The following PCDH15 variants were observed in gnomAD, a reference collection of about 807,000 sequenced individuals.
PCDH15 encodes the protein protocadherin related 15.
In PCDH15, 129 loss-of-function variants were observed where a neutral mutation model predicts 178.5. The observed-to-expected ratio is 0.72, with a 90% CI of 0.63 to 0.84. The LOEUF is 0.84. Among genes scored for constraint, PCDH15 ranks in the 40% least tolerant of loss-of-function variants. PCDH15 has a pLI of 0.00. For missense variants in PCDH15, 2,230 were observed against 2,099.9 expected, an observed-to-expected ratio of 1.06 and a Z score of -1.21; for synonymous variants, 800 against 732.0, an observed-to-expected ratio of 1.09 and a Z score of -1.50.
chr10:53,905,046 C>T (rs1223339096), intron 25 of PCDH15: 2 of 407,910 alleles, frequency 4.9e-6, no homozygotes, highest in African/African-American at 4.1e-5. Context: ...TCCCTTACCT[C>T]CCAACCCTAA....
intron 3 of PCDH15, among the ~76,000 whole-genome samples, chr10:54,453,657 T>TA (rs1427786387): frequency 6.7e-6 from 1 of 148,254 alleles, no homozygotes; most frequent in Non-Finnish European, 1.5e-5. Flanking sequence ...AGTATAATTT[T>TA]AAAAAAAAGA....
At chr10:55,226,432 A>ACTGCAACC (rs71461288) in intron 1 of PCDH15, among the ~76,000 whole-genome samples, 40 of 151,406 alleles carry the variant, frequency 2.6e-4, no homozygotes, top group East Asian at 1.8e-3. Context: ...ATGTCGGCTC[A>ACTGCAACC]CTGCAACCCT....
At chr10:54,552,195 C>G (rs2086692792) in intron 2 of PCDH15, among the ~76,000 whole-genome samples, 1 of 152,208 alleles carries the variant, frequency 6.6e-6, no homozygotes, top group African/African-American at 2.4e-5. Flanking sequence ...TTAAACTCCT[C>G]CCTTCATGAA....
At position 55,224,537 on chromosome 10, in the gene PCDH15, G is replaced by A. The variant is rs1164058542; in HGVS notation, c.-155-57886C>T. Among the ~76,000 whole-genome samples, 6 of 152,164 alleles carry A rather than the reference G, an allele frequency of 3.9e-5. No individual in the cohort carries two copies. In the South Asian group the frequency reaches 6.2e-4, roughly 16 times the overall value. On this transcript the variant is annotated intron_variant, in intron 1 of 5. Coordinates refer to the PCDH15 transcript ENST00000458638. Reference sequence around the variant, plus strand: ...GATCAGTCATTTCAAAGCTGAGGTCGCTCTAGACCAACTAACCTTAGCTGA... The same window carrying A: ...GATCAGTCATTTCAAAGCTGAGGTCACTCTAGACCAACTAACCTTAGCTGA...
At chr10:54,808,894 C>T (rs1952819581) in intron 3 of PCDH15, among the ~76,000 whole-genome samples, 1 of 151,160 alleles carries the variant, frequency 6.6e-6, no homozygotes. Flanking sequence ...AGCTCAAGTT[C>T]ATTTTTAGGC....
At chr10:55,442,299 C>A (rs980581844) in intron 2 of PCDH15, among the ~76,000 whole-genome samples, 4 of 149,442 alleles carry the variant, frequency 2.7e-5, no homozygotes, top group Admixed American at 1.3e-4. Context: ...GCATGCAAAC[C>A]TCAATATTAG....
At chr10:54,949,540 A>C (rs1019147899) in intron 2 of PCDH15, among the ~76,000 whole-genome samples, 1 of 151,976 alleles carries the variant, frequency 6.6e-6, no homozygotes, top group Non-Finnish European at 1.5e-5. Context: ...TTCTCATTAC[A>C]GCCAGCTTGA....
At chr10:54,772,878 A>G (rs1473951874) in intron 1 of PCDH15, among the ~76,000 whole-genome samples, 1 of 152,224 alleles carries the variant, frequency 6.6e-6, no homozygotes, top group African/African-American at 2.4e-5. Context: ...ATGACTATCA[A>G]TGATAGACTG....
At chr10:54,305,200 G>A (rs2133348137) in intron 8 of PCDH15, among the ~76,000 whole-genome samples, 1 of 152,070 alleles carries the variant, frequency 6.6e-6, no homozygotes, top group Middle Eastern at 3.4e-3. Context: ...AAATGCATTA[G>A]CATGTCCTTC....
At chr10:54,072,827 C>T (rs1345499802) in intron 17 of PCDH15, among the ~76,000 whole-genome samples, 1 of 152,158 alleles carries the variant, frequency 6.6e-6, no homozygotes, top group Non-Finnish European at 1.5e-5. Context: ...AGAAGCCATA[C>T]TACCAGCATA....
intron 1 of PCDH15, among the ~76,000 whole-genome samples, chr10:55,300,141 T>A (rs1463182580): frequency 2.6e-5 from 4 of 152,176 alleles, no homozygotes; most frequent in Non-Finnish European, 5.9e-5. Flanking sequence ...CTTCCACTTG[T>A]TATCCAGAGT....
At chr10:54,345,829 A>AG (rs1424515828) in intron 6 of PCDH15, among the ~76,000 whole-genome samples, 2,419 of 137,008 alleles carry the variant, frequency 0.018, 33 homozygotes, top group Admixed American at 0.028. Context: ...AAAAAAAAAA[A>AG]AAAAAGAAAT....
chr10:54,232,688 A>G (rs542244505), intron 9 of PCDH15, among the ~76,000 whole-genome samples: 2 of 152,194 alleles, frequency 1.3e-5, no homozygotes, highest in Non-Finnish European at 2.9e-5. Context: ...ATTCCCTCAT[A>G]ACATTTTTTT....
rs763193279 is a variant in PCDH15 at position 55,290,798 on chromosome 10, A to T, written c.-156+28801T>A. The stretch of plus-strand genomic sequence containing the variant: ...CATGGAAATGAAAAATATAGAACAA[A>T]TAATGGGAAATAAAATTAGAAAACA... On this transcript the variant is annotated intron_variant, in intron 1 of 5. Transcript: ENST00000458638. 2.2e-3 allele frequency among the ~76,000 whole-genome samples: 334 copies of T among 152,284 alleles called. 1 individual carries two copies. The highest frequency in any genetic ancestry group is 4.0e-3 in the Non-Finnish European group (270 of 68,020).
intron 9 of PCDH15, among the ~76,000 whole-genome samples, chr10:54,223,018 GA>G (rs2134211982): frequency 6.6e-6 from 1 of 152,110 alleles, no homozygotes; most frequent in African/African-American, 2.4e-5. Flanking sequence ...TTACATTTAA[GA>G]AATTGTTGCC....
At chr10:55,350,254 TATATATATATATATAC>T (rs1329858236) in intron 2 of PCDH15, among the ~76,000 whole-genome samples, 8 of 66,066 alleles carry the variant, frequency 1.2e-4, no homozygotes, top group African/African-American at 5.8e-4. Flanking sequence ...TATATATATA[TATATATATATATATAC>T]ACACACACAC....
chr10:53,860,348 G>A (rs2079022879), intron 27 of PCDH15, among the ~76,000 whole-genome samples: 1 of 152,070 alleles, frequency 6.6e-6, no homozygotes, highest in Non-Finnish European at 1.5e-5. Context: ...TCTGACCAAC[G>A]TAAACTTAGT....
At chr10:54,716,479 C>T (rs555915479) in intron 1 of PCDH15, among the ~76,000 whole-genome samples, 1 of 152,164 alleles carries the variant, frequency 6.6e-6, no homozygotes, top group East Asian at 1.9e-4. Context: ...CCTTCGCGTC[C>T]CTTGTAAGGT....
At chr10:54,081,244 TC>T (rs1273050956) in intron 16 of PCDH15, among the ~76,000 whole-genome samples, 2 of 152,016 alleles carry the variant, frequency 1.3e-5, no homozygotes, top group Non-Finnish European at 2.9e-5. Context: ...TGTTCAGAAT[TC>T]TTTGAGACAA....
Sources: gnomAD v4.1 joint callset for allele counts (sites outside exome capture counted in the v4.1 genomes callset) on GRCh38, gnomAD v4.1.1 for gene constraint, MANE v1.5 for transcripts, NCBI Gene and HGNC (gene_info 2026-07-23, HGNC 2026-07-21) for gene names.